Variants in SBF2 observed in about 807,000 individuals in gnomAD.
SBF2 encodes the protein SET binding factor 2.
SBF2 carries 112 observed loss-of-function variants against 225.2 expected under a neutral mutation model. The observed-to-expected ratio is 0.50, with a 90% confidence interval of 0.43 to 0.58. The LOEUF (loss-of-function observed/expected upper bound fraction) is 0.58. Among genes scored for constraint, SBF2 ranks in the 20% least tolerant of loss-of-function variants. The pLI, the probability that SBF2 is intolerant of heterozygous loss-of-function variation, is 0.00. For synonymous variants in SBF2, 763 were observed against 773.3 expected (o/e 0.99, Z 0.22); for missense variants, 1,996 against 2,206.2 (o/e 0.90, Z 1.91).
chr11:10,253,815 C>T (rs1402264239), intron 1 of SBF2, among the ~76,000 whole-genome samples: 1 of 151,636 alleles, frequency 6.6e-6, no homozygotes, highest in Admixed American at 6.6e-5. Flanking sequence ...CCCCTTATCA[C>T]GCTGATCCCA....
chr11:10,038,568 T>C (rs1249486932), intron 3 of SBF2, among the ~76,000 whole-genome samples: 1 of 151,978 alleles, frequency 6.6e-6, no homozygotes, highest in African/African-American at 2.4e-5. Flanking sequence ...CACTGAATGA[T>C]ACTTAGCATA....
intron 13 of SBF2, among the ~76,000 whole-genome samples, chr11:9,976,028 T>C (rs1946661867): frequency 6.6e-6 from 1 of 151,882 alleles, no homozygotes; most frequent in South Asian, 2.1e-4. Context: ...GAAATATCCA[T>C]AAGGCACAAT....
chr11:9,845,559 T>C lies in SBF2; in HGVS notation c.3110+6A>G. On this transcript the variant is annotated splice_donor_region_variant and intron_variant, in intron 24 of 39. Coordinates refer to ENST00000256190, the MANE Select transcript of SBF2 (RefSeq NM_030962.4). ...CTGAAATTAACAGACTTGTCTTTCTTCTTACCGAAAAGAAGTGTTCTTTTC... is the reference window on the plus strand; with the variant it reads ...CTGAAATTAACAGACTTGTCTTTCTCCTTACCGAAAAGAAGTGTTCTTTTC... The C allele has an allele frequency of 6.2e-7, 1 of 1,612,884 alleles. No homozygotes were observed. The highest frequency in any genetic ancestry group is 1.3e-5 in the African/African-American group (1 of 75,012).
chr11:9,856,210 C>T, intron 19 of SBF2, among the ~76,000 whole-genome samples: 1 of 151,906 alleles, frequency 6.6e-6, no homozygotes, highest in East Asian at 1.9e-4. Context: ...AGGGCTGGAT[C>T]AGTAATGGGT....
chr11:10,147,037 C>T (rs1334361362), intron 2 of SBF2, among the ~76,000 whole-genome samples: 2 of 146,734 alleles, frequency 1.4e-5, no homozygotes, highest in Non-Finnish European at 3.0e-5. Context: ...GTCAGAATGG[C>T]TATTATTAAA....
chr11:10,293,124 T>C (rs1211415738), intron 1 of SBF2, among the ~76,000 whole-genome samples: 3 of 152,218 alleles, frequency 2.0e-5, no homozygotes, highest in Non-Finnish European at 4.4e-5. Context: ...TGCCCTAAAA[T>C]AGAAGTGGTT....
chr11:10,243,813 AAAC>A (rs1284979175), intron 1 of SBF2, among the ~76,000 whole-genome samples: 4 of 152,204 alleles, frequency 2.6e-5, no homozygotes, highest in Non-Finnish European at 5.9e-5. Flanking sequence ...ATCAAAAACC[AAAC>A]AACAAAGAAA....
chr11:10,058,350 T>A (rs1433834519), intron 2 of SBF2, among the ~76,000 whole-genome samples: 1 of 151,988 alleles, frequency 6.6e-6, no homozygotes, highest in Non-Finnish European at 1.5e-5. Flanking sequence ...AAAAACACAA[T>A]ATAAGAATTT....
chr11:10,016,548 G>A (rs1210608740), intron 6 of SBF2: 1 of 152,122 alleles, frequency 6.6e-6, no homozygotes, highest in African/African-American at 2.4e-5. Context: ...GTGTAGTGGT[G>A]CGATCTCAGC....
At chr11:10,189,044 C>T (rs1957058937) in intron 2 of SBF2, among the ~76,000 whole-genome samples, 1 of 152,164 alleles carries the variant, frequency 6.6e-6, no homozygotes, top group African/African-American at 2.4e-5. Flanking sequence ...TTACCTCGCA[C>T]CTTACCTCAG....
chr11:10,163,574 C>T (rs935644521), intron 2 of SBF2, among the ~76,000 whole-genome samples: 1 of 152,070 alleles, frequency 6.6e-6, no homozygotes, highest in Non-Finnish European at 1.5e-5. Flanking sequence ...GTAATTTGAT[C>T]CATATATCTC....
At chr11:10,168,339 G>A (rs16907533) in intron 2 of SBF2, among the ~76,000 whole-genome samples, 14,626 of 152,152 alleles carry the variant, frequency 0.096, 959 homozygotes, top group East Asian at 0.28. Context: ...AATGAGCAAC[G>A]ACCAAAAAAG....
intron 17 of SBF2, among the ~76,000 whole-genome samples, chr11:9,877,579 A>T (rs1172958058): frequency 6.6e-6 from 1 of 151,874 alleles, no homozygotes; most frequent in Non-Finnish European, 1.5e-5. Flanking sequence ...CCAGTGTGTG[A>T]CGTTCCCTGC....
intron 2 of SBF2, among the ~76,000 whole-genome samples, chr11:10,125,306 G>C (rs1290563260): frequency 6.6e-6 from 1 of 151,806 alleles, no homozygotes; most frequent in East Asian, 1.9e-4. Context: ...ACTTTGCTTA[G>C]GATTTTTGCA....
At chr11:9,885,269 A>C (rs1030813706) in intron 17 of SBF2, among the ~76,000 whole-genome samples, 2 of 150,094 alleles carry the variant, frequency 1.3e-5, no homozygotes, top group Admixed American at 6.6e-5. Flanking sequence ...AAAAAAAAAA[A>C]AAAAAAACCC....
chr11:10,059,892 A>G (rs939350324), intron 2 of SBF2, among the ~76,000 whole-genome samples: 1 of 152,188 alleles, frequency 6.6e-6, no homozygotes, highest in African/African-American at 2.4e-5. Flanking sequence ...TGTTAAGAGA[A>G]GAATACATAG....
At chr11:10,126,321 T>C (rs992311082) in intron 2 of SBF2, among the ~76,000 whole-genome samples, 1 of 152,156 alleles carries the variant, frequency 6.6e-6, no homozygotes, top group African/African-American at 2.4e-5. Flanking sequence ...AATTTGTTCA[T>C]TTTTGGAGTT....
chr11:10,041,477 G>A (rs138007945), intron 3 of SBF2, among the ~76,000 whole-genome samples: 100 of 152,188 alleles, frequency 6.6e-4, no homozygotes, highest in African/African-American at 2.2e-3. Context: ...TCAAAACTCC[G>A]GACTTTGATA....
At chr11:10,072,208 T>C (rs1419466357) in intron 2 of SBF2, among the ~76,000 whole-genome samples, 1 of 152,356 alleles carries the variant, frequency 6.6e-6, no homozygotes, top group East Asian at 1.9e-4. Flanking sequence ...AACCAAAATA[T>C]CTTTTATATC....
Sources: allele counts gnomAD v4.1 joint callset (sites outside exome capture counted in the v4.1 genomes callset), GRCh38; gene constraint gnomAD v4.1.1; transcripts MANE v1.5; gene names NCBI Gene and HGNC (gene_info 2026-07-23, HGNC 2026-07-21).